Variants in SYNDIG1 observed in about 807,000 individuals in gnomAD.
SYNDIG1 encodes synapse differentiation inducing 1, also known as synapse differentiation-inducing gene protein 1.
Under a neutral mutation model 19.4 loss-of-function variants are expected in SYNDIG1, and 9 were observed. That is an observed-to-expected ratio of 0.46 (90% CI 0.28 to 0.81). The LOEUF is 0.81. Ranked by LOEUF, SYNDIG1 falls within the 30% of genes least tolerant of loss-of-function variation. The pLI, the probability that SYNDIG1 is intolerant of heterozygous loss-of-function variation, is 0.12. For missense variants in SYNDIG1, 311 were observed against 343.3 expected, an observed-to-expected ratio of 0.91 and a Z score of 0.74; for synonymous variants, 141 against 145.9, an observed-to-expected ratio of 0.97 and a Z score of 0.24.
intron 1 of SYNDIG1, among the ~76,000 whole-genome samples, chr20:24,537,418 T>C (rs2057383683): frequency 6.6e-6 from 1 of 152,112 alleles, no homozygotes; most frequent in Non-Finnish European, 1.5e-5. Flanking sequence ...CAGTATGGTA[T>C]ACAGCACACC....
At chr20:24,538,054 C>A (rs2057396647) in intron 1 of SYNDIG1, among the ~76,000 whole-genome samples, 1 of 152,050 alleles carries the variant, frequency 6.6e-6, no homozygotes, top group Non-Finnish European at 1.5e-5. Context: ...ACATAGATAG[C>A]TCTTCTTTTT....
At chr20:24,603,662 C>A (rs893158069) in intron 3 of SYNDIG1, among the ~76,000 whole-genome samples, 2 of 152,086 alleles carry the variant, frequency 1.3e-5, no homozygotes, top group East Asian at 3.9e-4. Flanking sequence ...GCATTCTCAG[C>A]GAGGAAGCAT....
At chr20:24,632,422 T>C (rs1462851925) in intron 3 of SYNDIG1, among the ~76,000 whole-genome samples, 2 of 152,034 alleles carry the variant, frequency 1.3e-5, no homozygotes, top group African/African-American at 4.8e-5. Flanking sequence ...GTATTTTCAG[T>C]AGAGATGGGG....
At chr20:24,626,832 G>C (rs199991802) in intron 3 of SYNDIG1, among the ~76,000 whole-genome samples, 2 of 152,196 alleles carry the variant, frequency 1.3e-5, no homozygotes, top group South Asian at 4.1e-4. Context: ...CCGGCACCTC[G>C]GGAGGCCGAG....
chr20:24,555,670 T>A (rs892336185), intron 2 of SYNDIG1, among the ~76,000 whole-genome samples: 4 of 152,162 alleles, frequency 2.6e-5, no homozygotes, highest in African/African-American at 4.8e-5. Flanking sequence ...GTCTGAGAGA[T>A]AGTTTATTAT....
At chr20:24,522,745 T>C (rs1041763173) in intron 1 of SYNDIG1, among the ~76,000 whole-genome samples, 2 of 152,204 alleles carry the variant, frequency 1.3e-5, no homozygotes, top group Non-Finnish European at 2.9e-5. Flanking sequence ...TTCTGTAGGC[T>C]GTACAAGCAT....
chr20:24,508,603 C>A (rs1040383604), intron 1 of SYNDIG1, among the ~76,000 whole-genome samples: 6 of 151,980 alleles, frequency 3.9e-5, no homozygotes, highest in African/African-American at 1.5e-4. Context: ...TTTAAACAAA[C>A]GTTTAAATGA....
chr20:24,529,888 T>TAGTACTCCC, intron 1 of SYNDIG1, among the ~76,000 whole-genome samples: 1 of 138,116 alleles, frequency 7.2e-6, no homozygotes, highest in South Asian at 2.4e-4. Flanking sequence ...GTGGTGATGG[T>TAGTACTCCC]GGTGAGGGTG....
At chr20:24,627,180 C>CGAGAGCGAGAGT (rs2059162184) in intron 3 of SYNDIG1, among the ~76,000 whole-genome samples, 1 of 150,096 alleles carries the variant, frequency 6.7e-6, no homozygotes, top group Non-Finnish European at 1.5e-5. Flanking sequence ...AGAGCGAGAG[C>CGAGAGCGAGAGT]GAGAGCTGCC....
At chr20:24,575,224 T>C (rs1377427988) in intron 2 of SYNDIG1, among the ~76,000 whole-genome samples, 1 of 152,180 alleles carries the variant, frequency 6.6e-6, no homozygotes, top group East Asian at 1.9e-4. Flanking sequence ...CTATTGATGA[T>C]GGGAATTGAG....
intron 3 of SYNDIG1, among the ~76,000 whole-genome samples, chr20:24,633,806 C>T (rs2059284122): frequency 6.6e-6 from 1 of 152,060 alleles, no homozygotes; most frequent in Non-Finnish European, 1.5e-5. Context: ...CCTAATGGAC[C>T]AGGCTCTTGG....
intron 1 of SYNDIG1, among the ~76,000 whole-genome samples, chr20:24,508,941 G>T (rs2056673611): frequency 6.6e-6 from 1 of 152,190 alleles, no homozygotes; most frequent in Non-Finnish European, 1.5e-5. Flanking sequence ...CAGATGCCAG[G>T]TCCCACAACC....
intron 2 of SYNDIG1, among the ~76,000 whole-genome samples, chr20:24,574,679 T>C (rs2058198861): frequency 6.6e-6 from 1 of 152,216 alleles, no homozygotes; most frequent in African/African-American, 2.4e-5. Flanking sequence ...AAAAGACAAG[T>C]ATTTCAATTA....
At chr20:24,638,029 G>C (rs558661090) in intron 3 of SYNDIG1, among the ~76,000 whole-genome samples, 1 of 152,238 alleles carries the variant, frequency 6.6e-6, no homozygotes, top group African/African-American at 2.4e-5. Context: ...TCCAGTGTCC[G>C]AGAGAGTGTT....
Position 24,543,426 on chromosome 20 carries a change from G to C in SYNDIG1, c.329G>C (p.Cys110Ser), listed in dbSNP as rs1288611899. 6.2e-7 allele frequency: 1 copy of C among 1,613,650 alleles called. No individual in the cohort carries two copies. Among genetic ancestry groups the C allele is most frequent in the Non-Finnish European group, 8.5e-7 (1 of 1,180,018 alleles). The change falls in exon 2 of 4, where the codon TGC becomes TCC. Residue 110 changes from cysteine (C) to serine (S), a missense_variant. Coordinates refer to ENST00000376862, the MANE Select transcript of SYNDIG1 (RefSeq NM_024893.3). ...RSWGDGVAAD[C>S]CETTFIEDRS... ...TGGGGGGACGGTGTGGCCGCCGACT[G>C]CTGCGAGACCACCTTCATCGAGGAC...
intron 3 of SYNDIG1, 57 bp downstream of exon 3, chr20:24,585,050 G>C: frequency 8.9e-7 from 1 of 1,127,848 alleles, no homozygotes; most frequent in Non-Finnish European, 1.3e-6. Context: ...GGTGGGGGTG[G>C]GGGCGGCAAT....
At chr20:24,556,354 T>A (rs1244105469) in intron 2 of SYNDIG1, among the ~76,000 whole-genome samples, 1 of 152,210 alleles carries the variant, frequency 6.6e-6, no homozygotes, top group Non-Finnish European at 1.5e-5. Flanking sequence ...CATTATGATG[T>A]TAGCTGGTTA....
At chr20:24,645,434 G>C (rs2147349904) in intron 3 of SYNDIG1, among the ~76,000 whole-genome samples, 1 of 152,366 alleles carries the variant, frequency 6.6e-6, no homozygotes, top group Non-Finnish European at 1.5e-5. Context: ...ATAGGATGCT[G>C]ATGGCTGCAT....
intron 3 of SYNDIG1, among the ~76,000 whole-genome samples, chr20:24,644,669 T>A (rs552101046): frequency 6.6e-6 from 1 of 152,242 alleles, no homozygotes; most frequent in Non-Finnish European, 1.5e-5. Context: ...GTCAACAGGC[T>A]TAGTCTCTTA....
Sources: gnomAD v4.1 joint callset for allele counts (sites outside exome capture counted in the v4.1 genomes callset) on GRCh38, gnomAD v4.1.1 for gene constraint, MANE v1.5 for transcripts, NCBI Gene and HGNC (gene_info 2026-07-23, HGNC 2026-07-21) for gene names.